The following APBB2 variants were observed in gnomAD, a reference collection of about 807,000 sequenced individuals.
The protein encoded by APBB2 is Fe65-like 1.
APBB2 carries 38 observed loss-of-function variants against 82.5 expected under a neutral mutation model. That is an observed-to-expected ratio of 0.46 (90% CI 0.36 to 0.60). The LOEUF (loss-of-function observed/expected upper bound fraction) is 0.60. APBB2 is among the 20% of genes least tolerant of loss of function. The probability of loss-of-function intolerance (pLI) is 0.00; values close to 1 mark genes in which losing one functional copy is unlikely to be tolerated. For synonymous variants in APBB2, 341 were observed against 368.2 expected, an observed-to-expected ratio of 0.93 and a Z score of 0.85; for missense variants, 772 against 972.3, an observed-to-expected ratio of 0.79 and a Z score of 2.74.
intron 7 of APBB2, among the ~76,000 whole-genome samples, chr4:40,936,690 T>C (rs1785449440): frequency 6.6e-6 from 1 of 152,198 alleles, no homozygotes; most frequent in Non-Finnish European, 1.5e-5. Flanking sequence ...CTTTTCAAAA[T>C]AAAATGGGAA....
At chr4:41,162,672 G>A (rs1765479772) in intron 1 of APBB2, among the ~76,000 whole-genome samples, 1 of 151,960 alleles carries the variant, frequency 6.6e-6, no homozygotes, top group East Asian at 1.9e-4. Context: ...TGGGCAACAT[G>A]GCAAGACCAT....
At chr4:41,158,374 T>C (rs950936878) in intron 1 of APBB2, among the ~76,000 whole-genome samples, 1 of 152,226 alleles carries the variant, frequency 6.6e-6, no homozygotes, top group Non-Finnish European at 1.5e-5. Flanking sequence ...TCTAAGAGGC[T>C]ATGCCCAAAC....
intron 7 of APBB2, among the ~76,000 whole-genome samples, chr4:40,944,651 A>G (rs1349155296): frequency 6.6e-6 from 1 of 152,204 alleles, no homozygotes; most frequent in Non-Finnish European, 1.5e-5. Context: ...TGCTGTTTCA[A>G]GAGACCAAAA....
At chr4:40,954,269 T>C (rs531638401) in intron 6 of APBB2, among the ~76,000 whole-genome samples, 5 of 152,146 alleles carry the variant, frequency 3.3e-5, no homozygotes, top group Non-Finnish European at 5.9e-5. Flanking sequence ...AGTCTAAATT[T>C]AGCAAGGTCT....
rs777910826 is a variant in APBB2, at chr4:40,832,013, T to TATACACACAC, written c.1530-1437_1530-1436insGTGTGTGTAT. On this transcript the variant is annotated intron_variant, in intron 12 of 17. Coordinates refer to ENST00000508593, the MANE Select transcript of APBB2 (RefSeq NM_004307.2). The surrounding 1 kb of genome is among the most constrained non-coding windows in gnomAD (Gnocchi z 4.8). Reference sequence around the variant, plus strand: ...ACACATATTTATATATTTATTTATATACACACACACACACACACACACACA... The same window carrying TATACACACAC: ...ACACATATTTATATATTTATTTATATATACACACACACACACACACACACACACACACACA... Among the ~76,000 whole-genome samples the TATACACACAC allele has an allele frequency of 0.058, 8,111 of 138,856 alleles. 307 individuals are homozygous for TATACACACAC. The highest frequency in any genetic ancestry group is 0.095 in the East Asian group (461 of 4,872). The allele number at this position is 138,856 out of a possible 152,430, so 91.1% of individuals were successfully genotyped here.
intron 5 of APBB2, among the ~76,000 whole-genome samples, chr4:41,026,665 T>C (rs7689410): frequency 0.046 from 6,983 of 152,308 alleles, 343 homozygotes; most frequent in African/African-American, 0.12. Context: ...ATCAGTACTT[T>C]ATTCCTCTTT....
At chr4:40,974,789 C>T (rs550859169) in intron 6 of APBB2, among the ~76,000 whole-genome samples, 4 of 152,302 alleles carry the variant, frequency 2.6e-5, no homozygotes, top group Admixed American at 2.0e-4. Flanking sequence ...GGCATACAGT[C>T]GCTGCCTTTA....
intron 1 of APBB2, among the ~76,000 whole-genome samples, chr4:41,181,913 C>T (rs187485600): frequency 5.2e-4 from 73 of 140,664 alleles, no homozygotes; most frequent in Admixed American, 1.1e-3. Context: ...GCCATTGCAC[C>T]AGCCTGGGCA....
rs562921021 is a variant in APBB2 at position 40,839,920 on chromosome 4, C to T, written c.1530-9343G>A. On this transcript the variant is annotated intron_variant, in intron 12 of 17. Coordinates refer to ENST00000508593, the MANE Select transcript of APBB2 (RefSeq NM_004307.2). ...CCTCAGGTGATCCGCCCACCTCGGACTCCCAAAGTGCTGGGATTACAGGCA... is the reference window on the plus strand; with the variant it reads ...CCTCAGGTGATCCGCCCACCTCGGATTCCCAAAGTGCTGGGATTACAGGCA... Among the ~76,000 whole-genome samples the T allele has an allele frequency of 3.0e-3, 453 of 152,320 alleles. 3 individuals carry two copies. Among genetic ancestry groups the T allele is most frequent in the African/African-American group, 0.011 (438 of 41,550 alleles).
chr4:41,086,447 A>G (rs1177008364), intron 3 of APBB2, among the ~76,000 whole-genome samples: 2 of 152,228 alleles, frequency 1.3e-5, no homozygotes, highest in African/African-American at 4.8e-5. Context: ...TCAACAGCTT[A>G]TTGAAAGGAT....
intron 12 of APBB2, among the ~76,000 whole-genome samples, chr4:40,868,779 T>C (rs772619101): frequency 3.9e-5 from 6 of 152,240 alleles, no homozygotes; most frequent in Admixed American, 1.3e-4. Flanking sequence ...AGAGTTGAGA[T>C]TGGACCAAAT....
intron 6 of APBB2, among the ~76,000 whole-genome samples, chr4:41,004,104 A>T (rs1302634453): frequency 6.6e-6 from 1 of 151,534 alleles, no homozygotes; most frequent in African/African-American, 2.4e-5. Context: ...TTTTCAGTAG[A>T]CACAGGGTTT....
intron 5 of APBB2, among the ~76,000 whole-genome samples, chr4:41,018,398 T>C (rs1057281410): frequency 1.3e-5 from 2 of 151,558 alleles, no homozygotes; most frequent in African/African-American, 4.8e-5. Context: ...TCACCTAGGG[T>C]TGGAGAGGAT....
At chr4:40,871,830 G>T (rs115381836) in intron 12 of APBB2, among the ~76,000 whole-genome samples, 241 of 152,300 alleles carry the variant, frequency 1.6e-3, no homozygotes, top group African/African-American at 5.4e-3. Flanking sequence ...TCATGTTGAA[G>T]CACACACAAG....
chr4:40,862,567 C>T (rs546866556), intron 12 of APBB2, among the ~76,000 whole-genome samples: 10 of 152,274 alleles, frequency 6.6e-5, no homozygotes, highest in African/African-American at 2.2e-4. Flanking sequence ...ATGATGGTGC[C>T]GGGCGGGTCC....
At chr4:41,125,420 G>C (rs1754083493) in intron 2 of APBB2, among the ~76,000 whole-genome samples, 1 of 152,080 alleles carries the variant, frequency 6.6e-6, no homozygotes, top group African/African-American at 2.4e-5. Flanking sequence ...TAGGTCTCCA[G>C]GTATTTTAAA....
rs1196785212 is a variant in APBB2 at position 41,013,816 on chromosome 4, A to T, written c.602T>A (p.Ile201Asn). 17 of 1,614,170 alleles carry T rather than the reference A, an allele frequency of 1.1e-5. No individual in the cohort carries two copies. Among genetic ancestry groups the T allele is most frequent in the Non-Finnish European group, 1.4e-5 (17 of 1,180,038 alleles). Residue 201 changes from isoleucine to asparagine, a missense_variant, in exon 6 of 18, where the codon ATT becomes AAT. Ile to Asn is a moderately radical substitution (Grantham distance 149). Transcript: ENST00000508593. ...CTGCAGCAGCAAATCGCCATTCCCA[A>T]TGATGGTGGAGGCCTGGCCCTGGAC... ...QPVQGQASTI[I>N]GNGDLLLQKP...
rs1032225735 is a variant in APBB2 at position 40,957,781 on chromosome 4, G to A, written c.836-12708C>T. Among the ~76,000 whole-genome samples the A allele has an allele frequency of 7.2e-5, 11 of 151,792 alleles. No homozygotes were observed. The East Asian group carries it at 1.2e-3, about 16-fold the overall frequency. ...ATAGTTTTAGTAGAGATGGGGTTTC[G>A]CCACGTTGGCCAGGCTGGTCTCGAA... On this transcript the variant is annotated intron_variant, in intron 6 of 17. Transcript: ENST00000508593.
chr4:40,907,005 T>G (rs1472133189), intron 10 of APBB2, among the ~76,000 whole-genome samples: 1 of 152,182 alleles, frequency 6.6e-6, no homozygotes, highest in African/African-American at 2.4e-5. Flanking sequence ...TGCATGTCTA[T>G]ATGTGTATAT....
Sources: allele counts gnomAD v4.1 joint callset (sites outside exome capture counted in the v4.1 genomes callset), GRCh38; gene constraint gnomAD v4.1.1; non-coding constraint Gnocchi (gnomAD v3.1); transcripts MANE v1.5; gene names NCBI Gene and HGNC (gene_info 2026-07-23, HGNC 2026-07-21).